Variants in ABCA13 observed in about 807,000 individuals in gnomAD.
ABCA13 encodes ATP binding cassette subfamily A member 13.
Under a neutral mutation model 478.7 loss-of-function variants are expected in ABCA13, and 476 were observed. The observed-to-expected ratio is 0.99, with a 90% CI of 0.92 to 1.07. The LOEUF (loss-of-function observed/expected upper bound fraction) is 1.07, where lower values mean the gene tolerates loss of function less well. ABCA13 is among the 50% of genes least tolerant of loss of function. ABCA13 has a pLI of 0.00. For synonymous variants in ABCA13, 2,252 were observed against 2,158.9 expected, an observed-to-expected ratio of 1.04 and a Z score of -1.20; for missense variants, 6,060 against 5,910.6, an observed-to-expected ratio of 1.03 and a Z score of -0.83.
In ABCA13 at chr7:48,227,245, A is replaced by AC; in HGVS notation, c.469-17_469-16insC. 6.2e-7 allele frequency: 1 copy of AC among 1,609,384 alleles called. No individual in the cohort carries two copies. The highest frequency in any genetic ancestry group is 8.5e-7 in the Non-Finnish European group (1 of 1,177,820). On this transcript the variant is annotated splice_polypyrimidine_tract_variant and intron_variant, in intron 5 of 61. Transcript: ENST00000435803. ...AACTCCAGAGGGAAACTTTTGGTGT[A>AC]TTTTTTTTCCCATCAGATGGATCTC...
intron 42 of ABCA13, among the ~76,000 whole-genome samples, chr7:48,435,746 G>A (rs1301497769): frequency 8.6e-5 from 13 of 151,594 alleles, no homozygotes; most frequent in Non-Finnish European, 4.4e-5. Context: ...TTTTGTAAAA[G>A]TTCTTTATGT....
chr7:48,372,133 C>A, intron 32 of ABCA13, 35 bp from the exon 33 acceptor site: 1 of 1,565,782 alleles, frequency 6.4e-7, no homozygotes, highest in Admixed American at 1.8e-5. Context: ...AGTACGCATG[C>A]TGTGGTAACC....
At chr7:48,452,370 A>G (rs1265284685) in intron 42 of ABCA13, among the ~76,000 whole-genome samples, 1 of 152,226 alleles carries the variant, frequency 6.6e-6, no homozygotes, top group Admixed American at 6.5e-5. Context: ...ATTCAAATCC[A>G]GGATTAAAAA....
At chr7:48,226,193 GA>G (rs1788183597) in intron 5 of ABCA13, among the ~76,000 whole-genome samples, 1 of 152,132 alleles carries the variant, frequency 6.6e-6, no homozygotes, top group African/African-American at 2.4e-5. Context: ...GCAGGTGGAA[GA>G]AAATATCATT....
Position 48,594,658 on chromosome 7 carries a change from T to C in ABCA13, c.14641-52T>C, listed in dbSNP as rs1437531122. 2.6e-6 allele frequency: 4 copies of C among 1,529,804 alleles called. No individual in the cohort carries two copies. In the Admixed American group the frequency reaches 5.0e-5, roughly 19 times the overall value. 94.8% of individuals were successfully genotyped at this position (1,529,804 alleles called of 1,614,324 possible). A position where few individuals can be genotyped will look rare whatever the true frequency, so the allele number is the denominator to read the frequency against. On this transcript the variant is annotated intron_variant, in intron 57 of 61. Transcript: ENST00000435803. Reference sequence around the variant, plus strand: ...CTGGCCTCCCATGTCATTGTGTATATTTCTATTTGTGTTTTTCAAATGCTG... The same window carrying C: ...CTGGCCTCCCATGTCATTGTGTATACTTCTATTTGTGTTTTTCAAATGCTG...
At chr7:48,258,009 G>A (rs1196712731) in intron 15 of ABCA13, among the ~76,000 whole-genome samples, 7 of 152,020 alleles carry the variant, frequency 4.6e-5, no homozygotes, top group African/African-American at 9.6e-5. Flanking sequence ...CTGCACCCTC[G>A]ACCTCCCAGG....
chr7:48,445,011 C>CTTTT (rs34045232), intron 42 of ABCA13, among the ~76,000 whole-genome samples: 3 of 141,484 alleles, frequency 2.1e-5, no homozygotes, highest in Admixed American at 7.1e-5. Context: ...TTCTTTCTTT[C>CTTTT]TTTTTTTTTT....
intron 38 of ABCA13, among the ~76,000 whole-genome samples, chr7:48,397,837 G>C (rs1817051775): frequency 6.6e-6 from 1 of 152,070 alleles, no homozygotes; most frequent in Admixed American, 6.6e-5. Flanking sequence ...AGTCCTTGAG[G>C]GACCGAAGTC....
At chr7:48,617,044 T>C (rs1792652873) in intron 59 of ABCA13, among the ~76,000 whole-genome samples, 1 of 152,022 alleles carries the variant, frequency 6.6e-6, no homozygotes, top group Non-Finnish European at 1.5e-5. Flanking sequence ...AAAAGTAAAA[T>C]AAAATAATTT....
At chr7:48,333,112 A>G (rs1805662887) in intron 27 of ABCA13, among the ~76,000 whole-genome samples, 1 of 152,114 alleles carries the variant, frequency 6.6e-6, no homozygotes, top group Non-Finnish European at 1.5e-5. Flanking sequence ...TAGGTACTTG[A>G]GGCTCTGTTC....
In ABCA13 at chr7:48,275,565, G is replaced by T. The variant is rs1562943604; in HGVS notation, c.5899G>T (p.Val1967Phe). 1 of 1,613,596 alleles carries T rather than the reference G, an allele frequency of 6.2e-7. No individual in the cohort carries two copies. Among genetic ancestry groups the T allele is most frequent in the Non-Finnish European group, 8.5e-7 (1 of 1,179,762 alleles). The change falls in exon 17 of 62, where the codon GTT becomes TTT. Residue 1967 changes from valine to phenylalanine, a missense_variant. Physicochemically the swap from Val to Phe is conservative, Grantham distance 50. Transcript: ENST00000435803. Reference sequence around the variant, plus strand: ...ACTTAAAAATGTCAACTTTACAAAAGTTACATCAGGTGAAAATATTCTTGA... The same window carrying T: ...ACTTAAAAATGTCAACTTTACAAAATTTACATCAGGTGAAAATATTCTTGA... ...EKLKNVNFTK[V>F]TSGENILDKL...
rs775093190 is a variant in ABCA13 at position 48,314,395 on chromosome 7, T to A, written c.9845T>A (p.Ile3282Asn). The stretch of plus-strand genomic sequence containing the variant: ...GAAGATGACAAAGAAAAATTCAACA[T>A]TCCTGAAGATTCAAGTAAGACAGTA... ...LLEDDKEKFNIPEDSTPFCLK... is the reference protein window; with the variant it reads ...LLEDDKEKFNNPEDSTPFCLK... The change falls in exon 26 of 62, where the codon ATT becomes AAT. Residue 3282 changes from isoleucine (I) to asparagine (N), a missense_variant. Ile to Asn is a moderately radical substitution (Grantham distance 149). Coordinates refer to ENST00000435803, the MANE Select transcript of ABCA13 (RefSeq NM_152701.5). 1 of 1,589,672 alleles carries A rather than the reference T, an allele frequency of 6.3e-7. No homozygotes were observed. The highest frequency in any genetic ancestry group is 1.8e-5 in the Admixed American group (1 of 55,932).
At chr7:48,408,842 C>G (rs770950547) in intron 39 of ABCA13, among the ~76,000 whole-genome samples, 1 of 152,146 alleles carries the variant, frequency 6.6e-6, no homozygotes, top group South Asian at 2.1e-4. Flanking sequence ...CTCTCCCTCC[C>G]GGCTCCCTCC....
At chr7:48,251,640 A>G (rs980511402) in intron 15 of ABCA13, among the ~76,000 whole-genome samples, 8 of 152,066 alleles carry the variant, frequency 5.3e-5, no homozygotes, top group Non-Finnish European at 1.0e-4. Flanking sequence ...AAGAAACGGA[A>G]TTTAAAAAAA....
chr7:48,414,605 T>C (rs1819719689), intron 41 of ABCA13, among the ~76,000 whole-genome samples: 1 of 150,454 alleles, frequency 6.6e-6, no homozygotes, highest in Non-Finnish European at 1.5e-5. Context: ...TACATATACA[T>C]ATATTACATG....
In ABCA13 at chr7:48,279,249, T is replaced by C; in HGVS notation, c.8055T>C (p.Asn2685=). The C allele has an allele frequency of 6.3e-7, 1 of 1,589,122 alleles. No homozygotes were observed. Among genetic ancestry groups the C allele is most frequent in the Non-Finnish European group, 8.6e-7 (1 of 1,166,094 alleles). ...TTCTGGGTTGCTTAGTTCCTATAAATAACATCACCAACCAAATGGACTTCT... is the reference window on the plus strand; with the variant it reads ...TTCTGGGTTGCTTAGTTCCTATAAACAACATCACCAACCAAATGGACTTCT... The part of the protein sequence containing the change: ...EEILGCLVPI[N]NITNQMDFLY... Residue 2685 remains asparagine, a synonymous_variant, in exon 18 of 62, where the codon AAT becomes AAC. Coordinates refer to ENST00000435803, the MANE Select transcript of ABCA13 (RefSeq NM_152701.5).
At chr7:48,252,578 C>T (rs1792741898) in intron 15 of ABCA13, among the ~76,000 whole-genome samples, 1 of 152,132 alleles carries the variant, frequency 6.6e-6, no homozygotes, top group Non-Finnish European at 1.5e-5. Context: ...GCCTATATAA[C>T]AGAAAGGTAA....
In ABCA13 at chr7:48,279,215, G is replaced by A. The variant is rs748507270; in HGVS notation, c.8021G>A (p.Arg2674Gln). Residue 2674 changes from arginine (R) to glutamine (Q), a missense_variant, in exon 18 of 62, where the codon CGG (arginine) becomes CAG (glutamine). By Grantham distance (43) the Arg-to-Gln change is conservative (BLOSUM62 1). Around this residue, in one of 3 missense-constraint regions of ABCA13, gnomAD observed 4,423 missense variants for 4,309.1 expected, o/e 1.03. Coordinates refer to ENST00000435803, the MANE Select transcript of ABCA13 (RefSeq NM_152701.5). ...TTTTCTATGGATTCTGTCAACTTAC[G>A]GGAAGAAATTCTGGGTTGCTTAGTT... is the stretch of plus-strand genomic sequence containing the variant. The part of the protein sequence containing the change: ...QTFSMDSVNL[R>Q]EEILGCLVPI... 1.3e-6 allele frequency: 2 copies of A among 1,590,242 alleles called. No individual in the cohort carries two copies. The highest frequency in any genetic ancestry group is 8.6e-7 in the Non-Finnish European group (1 of 1,167,302).
chr7:48,261,256 A>G (rs1387617976), intron 15 of ABCA13, among the ~76,000 whole-genome samples: 1 of 151,876 alleles, frequency 6.6e-6, no homozygotes, highest in Non-Finnish European at 1.5e-5. Flanking sequence ...TATTTAGTTT[A>G]TAGTGTTCTT....
Sources: gnomAD v4.1 joint callset for allele counts (sites outside exome capture counted in the v4.1 genomes callset) on GRCh38, gnomAD v4.1.1 for gene constraint, gnomAD v4.1.1 regional missense constraint, MANE v1.5 for transcripts, NCBI Gene and HGNC (gene_info 2026-07-23, HGNC 2026-07-21) for gene names.